The following VTI1A variants were observed in gnomAD, a reference collection of about 807,000 sequenced individuals.
VTI1A encodes vesicle transport through interaction with t-SNAREs 1A.
Under a neutral mutation model 34.9 loss-of-function variants are expected in VTI1A, and 22 were observed. That is an observed-to-expected ratio of 0.63 (90% CI 0.45 to 0.90). The LOEUF is 0.90. Ranked by LOEUF, VTI1A falls within the 40% of genes least tolerant of loss-of-function variation. The pLI is 0.00. For missense variants in VTI1A, 268 were observed against 275.6 expected (o/e 0.97, Z 0.20); for synonymous variants, 87 against 97.3 (o/e 0.89, Z 0.62).
At chr10:112,526,880 TTCA>T (rs1266465506) in intron 3 of VTI1A, among the ~76,000 whole-genome samples, 1 of 152,130 alleles carries the variant, frequency 6.6e-6, no homozygotes, top group Non-Finnish European at 1.5e-5. Flanking sequence ...AGAGTTTCCT[TTCA>T]TTATTGGCAT....
intron 5 of VTI1A, chr10:112,548,722 CTA>C: frequency 7.3e-7 from 1 of 1,363,354 alleles, no homozygotes; most frequent in Non-Finnish European, 1.0e-6. Flanking sequence ...CAGCAACTGT[CTA>C]TCTCATATCA....
intron 3 of VTI1A, among the ~76,000 whole-genome samples, chr10:112,470,716 A>G (rs1848045304): frequency 6.6e-6 from 1 of 151,968 alleles, no homozygotes; most frequent in African/African-American, 2.4e-5. Context: ...ACATGGTGAA[A>G]CCCCATCTCT....
intron 5 of VTI1A, among the ~76,000 whole-genome samples, chr10:112,604,362 T>C (rs773917285): frequency 6.6e-6 from 1 of 152,208 alleles, no homozygotes; most frequent in Non-Finnish European, 1.5e-5. Context: ...ACAAAGTCAG[T>C]GCACAATCAA....
rs1222891036 is a variant in VTI1A at position 112,697,865 on chromosome 10, CATGT to C, written c.560+28868_560+28871del. ...TTTTGTTTCTCTGTATTAGCATTTACATGTGTGTGTGTGTGTGTGTGTGTGTGTG... is the reference window on the plus strand; with the variant it reads ...TTTTGTTTCTCTGTATTAGCATTTACGTGTGTGTGTGTGTGTGTGTGTGTG... On this transcript the variant is annotated intron_variant, in intron 7 of 7. Transcript: ENST00000393077. 2.5e-3 allele frequency among the ~76,000 whole-genome samples: 311 copies of C among 126,200 alleles called. 1 individual carries two copies. Among genetic ancestry groups the C allele is most frequent in the Middle Eastern group, 7.9e-3 (2 of 254 alleles). 82.8% of individuals were successfully genotyped at this position (126,200 alleles called of 152,430 possible). A position where few individuals can be genotyped will look rare whatever the true frequency, so the allele number is the denominator to read the frequency against.
At chr10:112,839,639 C>T in the VTI1A span, among the ~76,000 whole-genome samples, 1 of 152,150 alleles carries the variant, frequency 6.6e-6, no homozygotes, top group African/African-American at 2.4e-5. Context: ...CCCCAAAGGG[C>T]GATTCTGAGT....
At position 112,527,776 on chromosome 10, in the gene VTI1A, C is replaced by A. The variant is rs184185796; in HGVS notation, c.342+612C>A. ...TTTGCAGTTTAAGATCTGCGTAGGC[C>A]AAAAAATAAGATACAGTTTCTTCTT... On this transcript the variant is annotated intron_variant, in intron 4 of 7. Transcript: ENST00000393077. Among the ~76,000 whole-genome samples, 948 of 151,396 alleles carry A rather than the reference C, an allele frequency of 6.3e-3. 15 individuals are homozygous for A. Among genetic ancestry groups the A allele is most frequent in the African/African-American group, 0.022 (904 of 41,308 alleles).
chr10:112,624,684 G>T (rs925583688), intron 5 of VTI1A, among the ~76,000 whole-genome samples: 2 of 152,110 alleles, frequency 1.3e-5, no homozygotes, highest in Non-Finnish European at 2.9e-5. Context: ...GTTTGCTGCT[G>T]TTGTTGTTAT....
chr10:112,593,430 A>G (rs1237939177), intron 5 of VTI1A, among the ~76,000 whole-genome samples: 1 of 152,226 alleles, frequency 6.6e-6, no homozygotes, highest in Non-Finnish European at 1.5e-5. Flanking sequence ...TAGCACAGAA[A>G]AAACCTCTTC....
downstream of VTI1A, among the ~76,000 whole-genome samples, chr10:112,821,327 C>T (rs1434240534): frequency 6.6e-6 from 1 of 152,140 alleles, no homozygotes; most frequent in Non-Finnish European, 1.5e-5. Flanking sequence ...GCCTCCTCTC[C>T]CCCTCCCACT....
In VTI1A at chr10:112,763,639, C is replaced by T. The variant is rs77024935; in HGVS notation, c.561-51651C>T. 5.8e-3 allele frequency among the ~76,000 whole-genome samples: 882 copies of T among 152,256 alleles called. 2 individuals are homozygous for T. Among genetic ancestry groups the T allele is most frequent in the Non-Finnish European group, 9.5e-3 (646 of 68,026 alleles). ...TGGCCTGGTGGCATTTACAATCCTGCTTCGCTGAGTTGTGAGACTTCGTAG... is the reference window on the plus strand; with the variant it reads ...TGGCCTGGTGGCATTTACAATCCTGTTTCGCTGAGTTGTGAGACTTCGTAG... On this transcript the variant is annotated intron_variant, in intron 7 of 7. Coordinates refer to ENST00000393077, the MANE Select transcript of VTI1A (RefSeq NM_145206.4).
intron 5 of VTI1A, among the ~76,000 whole-genome samples, chr10:112,589,529 G>A (rs761510487): frequency 6.6e-6 from 1 of 152,028 alleles, no homozygotes; most frequent in Non-Finnish European, 1.5e-5. Flanking sequence ...ACGTGAAAAC[G>A]AACTAATACA....
At chr10:112,717,568 C>T (rs919921708) in intron 7 of VTI1A, among the ~76,000 whole-genome samples, 3 of 152,170 alleles carry the variant, frequency 2.0e-5, no homozygotes, top group African/African-American at 7.2e-5. Flanking sequence ...TCCATGTGGT[C>T]TCCCTGCATA....
chr10:112,665,023 G>A (rs1489475853), intron 5 of VTI1A, among the ~76,000 whole-genome samples: 2 of 152,172 alleles, frequency 1.3e-5, no homozygotes, highest in African/African-American at 2.4e-5. Context: ...CAGTATGGCT[G>A]TTCCATTCTT....
intron 5 of VTI1A, among the ~76,000 whole-genome samples, chr10:112,603,943 C>G (rs1264799575): frequency 6.6e-6 from 1 of 152,202 alleles, no homozygotes; most frequent in African/African-American, 2.4e-5. Context: ...TTAAGCCCAC[C>G]TGGCTCACTG....
chr10:112,569,124 C>A (rs1352933530), intron 5 of VTI1A, among the ~76,000 whole-genome samples: 1 of 150,888 alleles, frequency 6.6e-6, no homozygotes, highest in Admixed American at 6.6e-5. Context: ...CACTGCCCTG[C>A]AGCGTGGGCA....
chr10:112,561,328 G>C (rs1851719366), intron 5 of VTI1A, among the ~76,000 whole-genome samples: 1 of 152,004 alleles, frequency 6.6e-6, no homozygotes, highest in South Asian at 2.1e-4. Context: ...ATTGTTTTTA[G>C]GCTACAAAAT....
intron 5 of VTI1A, among the ~76,000 whole-genome samples, chr10:112,654,404 T>C (rs573433138): frequency 8.5e-5 from 13 of 152,324 alleles, no homozygotes; most frequent in Non-Finnish European, 8.8e-5. Flanking sequence ...CACGCATACA[T>C]CTCAAATTTA....
At chr10:112,521,078 A>G (rs777763999) in intron 3 of VTI1A, among the ~76,000 whole-genome samples, 2 of 151,994 alleles carry the variant, frequency 1.3e-5, no homozygotes, top group Non-Finnish European at 2.9e-5. Context: ...TATTAATGCT[A>G]CAGTATTGGT....
At position 112,818,545 on chromosome 10, in the gene VTI1A, T is replaced by C. The variant is rs1356023517; in HGVS notation, c.*3162T>C. 8.9e-6 allele frequency: 2 copies of C among 225,488 alleles called. No individual in the cohort carries two copies. The highest frequency in any genetic ancestry group is 2.2e-5 in the African/African-American group (1 of 44,922). 14.0% of individuals were successfully genotyped at this position (225,488 alleles called of 1,614,324 possible). Reference sequence around the variant, plus strand: ...AGCCTGCCTGCTGCTGTATTTGAAGTTGTAATGGTGTCAAAAAGTCACGAC... The same window carrying C: ...AGCCTGCCTGCTGCTGTATTTGAAGCTGTAATGGTGTCAAAAAGTCACGAC... On this transcript the variant is annotated 3_prime_UTR_variant, in exon 8 of 8. Transcript: ENST00000393077.
Sources: allele counts gnomAD v4.1 joint callset (sites outside exome capture counted in the v4.1 genomes callset), GRCh38; gene constraint gnomAD v4.1.1; transcripts MANE v1.5; gene names NCBI Gene and HGNC (gene_info 2026-07-23, HGNC 2026-07-21).